Variants in NOVA1 observed in about 807,000 individuals in gnomAD.
The protein encoded by NOVA1 is NOVA alternative splicing regulator 1.
Under a neutral mutation model 38.0 loss-of-function variants are expected in NOVA1, and 7 were observed. The ratio of observed to expected loss-of-function variants is 0.18; its 90% CI spans 0.10 to 0.35. NOVA1 has a LOEUF of 0.35. Among genes scored for constraint, NOVA1 ranks in the 10% least tolerant of loss-of-function variants. The pLI, the probability that NOVA1 is intolerant of heterozygous loss-of-function variation, is 1.00. For missense variants in NOVA1, 460 were observed against 616.0 expected (o/e 0.75, Z 2.68); for synonymous variants, 270 against 232.5 (o/e 1.16, Z -1.47).
At chr14:26,558,439 A>G (rs1458872162) in intron 2 of NOVA1, among the ~76,000 whole-genome samples, 1 of 152,144 alleles carries the variant, frequency 6.6e-6, no homozygotes, top group Non-Finnish European at 1.5e-5. Context: ...AATACATGGC[A>G]ACACTTTGGA....
At chr14:26,554,609 A>G (rs1179314952) in intron 2 of NOVA1, among the ~76,000 whole-genome samples, 1 of 152,174 alleles carries the variant, frequency 6.6e-6, no homozygotes, top group East Asian at 1.9e-4. Flanking sequence ...AGAAACAAAA[A>G]AGAGTGATTT....
chr14:26,551,717 A>G (rs995227048), intron 2 of NOVA1, among the ~76,000 whole-genome samples: 1 of 152,064 alleles, frequency 6.6e-6, no homozygotes, highest in African/African-American at 2.4e-5. Flanking sequence ...CAAACAAAAA[A>G]TCTAAATTTG....
rs1881829593 is a variant in NOVA1, at chr14:26,443,332, C to T, written c.*4627G>A. ...GGCACATACACGTTAAATATTTTTC[C>T]TTAAAAAAATAATCTAATCAAAATA... On this transcript the variant is annotated 3_prime_UTR_variant, in exon 5 of 5. Coordinates refer to ENST00000539517, the MANE Select transcript of NOVA1 (RefSeq NM_002515.3). The T allele has an allele frequency of 6.6e-6, 1 of 151,510 alleles. No individual in the cohort carries two copies. Among genetic ancestry groups the T allele is most frequent in the South Asian group, 2.1e-4 (1 of 4,812 alleles). 9.4% of individuals were successfully genotyped at this position (151,510 alleles called of 1,614,324 possible).
chr14:26,482,625 C>T (rs1055641645), intron 2 of NOVA1, among the ~76,000 whole-genome samples: 1 of 152,060 alleles, frequency 6.6e-6, no homozygotes, highest in African/African-American at 2.4e-5. Flanking sequence ...ACACTAGCAA[C>T]GAGAGGTGAA....
At chr14:26,501,888 A>C (rs968606131) in intron 2 of NOVA1, among the ~76,000 whole-genome samples, 1 of 151,938 alleles carries the variant, frequency 6.6e-6, no homozygotes. Flanking sequence ...CAAGTTTCTC[A>C]TTTATGGAAA....
intron 3 of NOVA1, 24 bp downstream of exon 3, chr14:26,479,953 T>C (rs1443682864): frequency 6.2e-7 from 1 of 1,610,916 alleles, no homozygotes; most frequent in South Asian, 1.1e-5. Context: ...ATATTTCTCT[T>C]TGATTTCTCA....
Position 26,444,870 on chromosome 14 carries a change from A to AC in NOVA1, c.*3088dup, listed in dbSNP as rs1491522661. The AC allele has an allele frequency of 6.6e-6, 1 of 151,080 alleles. No homozygotes were observed. The highest frequency in any genetic ancestry group is 2.5e-5 in the African/African-American group (1 of 40,464). The allele number at this position is 151,080 out of a possible 1,614,324, so 9.4% of individuals were successfully genotyped here. ...AAACAAACAAACAAACAAAAAAAAA[A>AC]CAAAAAAACTGCAATGCAACTTCAA... is the stretch of plus-strand genomic sequence containing the variant. On this transcript the variant is annotated 3_prime_UTR_variant, in exon 5 of 5. Transcript: ENST00000539517.
intron 2 of NOVA1, among the ~76,000 whole-genome samples, chr14:26,542,508 A>G (rs1890525478): frequency 6.6e-6 from 1 of 151,834 alleles, no homozygotes; most frequent in African/African-American, 2.4e-5. Flanking sequence ...AATTGAGACA[A>G]CTTATTTAGG....
intron 2 of NOVA1, among the ~76,000 whole-genome samples, chr14:26,575,511 T>C (rs965008683): frequency 6.6e-6 from 1 of 152,258 alleles, no homozygotes; most frequent in Non-Finnish European, 1.5e-5. Context: ...TATTGAGCCA[T>C]ATACTTAAAT....
At chr14:26,481,349 T>C (rs1290401323) in intron 2 of NOVA1, among the ~76,000 whole-genome samples, 1 of 152,108 alleles carries the variant, frequency 6.6e-6, no homozygotes, top group East Asian at 1.9e-4. Context: ...GACAAATTTG[T>C]GAAACTACAA....
chr14:26,475,452 A>G (rs1884909107), intron 3 of NOVA1, among the ~76,000 whole-genome samples: 1 of 152,228 alleles, frequency 6.6e-6, no homozygotes. Flanking sequence ...TGAAGATGTA[A>G]TTAACTGAAT....
chr14:26,556,989 G>A (rs1179733443), intron 2 of NOVA1, among the ~76,000 whole-genome samples: 3 of 152,100 alleles, frequency 2.0e-5, no homozygotes, highest in Admixed American at 1.3e-4. Flanking sequence ...TTTTGAGGAT[G>A]TATCTTTCCA....
rs371080697 is a variant in NOVA1 at position 26,565,837 on chromosome 14, G to T, written c.280+29573C>A. On this transcript the variant is annotated intron_variant, in intron 2 of 4. Coordinates refer to ENST00000539517, the MANE Select transcript of NOVA1 (RefSeq NM_002515.3). ...AATGTGACAAAAGAAAAAAGCAAGA[G>T]AATGCAAACTGAATGGCGTTCTTAA... Among the ~76,000 whole-genome samples the T allele has an allele frequency of 1.2e-3, 189 of 152,178 alleles. 6 individuals carry two copies. In the South Asian group the frequency reaches 0.038, roughly 30 times the overall value.
At chr14:26,485,655 T>C (rs1217995372) in intron 2 of NOVA1, among the ~76,000 whole-genome samples, 1 of 152,126 alleles carries the variant, frequency 6.6e-6, no homozygotes, top group Non-Finnish European at 1.5e-5. Context: ...AACGAACATA[T>C]GCTAATGATT....
intron 4 of NOVA1, among the ~76,000 whole-genome samples, chr14:26,456,902 AATG>A (rs1457821879): frequency 6.6e-6 from 1 of 151,868 alleles, no homozygotes; most frequent in African/African-American, 2.4e-5. Flanking sequence ...GAAATTATAA[AATG>A]ATGTAGAAAA....
Position 26,448,048 on chromosome 14 carries a change from C to T in NOVA1, c.1435G>A (p.Ala479Thr). ...AAATATTGAGCAGCCTGTGTTGCAG[C>T]TGGTGTTCCAGTAATGGTTACCTTC... ...NRKVTITGTP[A>T]ATQAAQYLIT... The change falls in exon 5 of 5, where the codon GCT becomes ACT. Residue 479 changes from alanine to threonine, a missense_variant. By Grantham distance (58) the Ala-to-Thr change is moderately conservative (BLOSUM62 0). Transcript: ENST00000539517. This position sits in a 1 kb window ranked among gnomAD's most constrained non-coding sequence, Gnocchi z 5.3. The T allele has an allele frequency of 6.2e-7, 1 of 1,614,202 alleles. No homozygotes were observed. The highest frequency in any genetic ancestry group is 8.5e-7 in the Non-Finnish European group (1 of 1,180,026).
At chr14:26,517,187 G>A (rs560117280) in intron 2 of NOVA1, among the ~76,000 whole-genome samples, 2 of 152,236 alleles carry the variant, frequency 1.3e-5, no homozygotes, top group South Asian at 2.1e-4. Context: ...TTACAGGTGT[G>A]AGCCACCACA....
chr14:26,518,806 T>G (rs1219871348), intron 2 of NOVA1, among the ~76,000 whole-genome samples: 1 of 152,114 alleles, frequency 6.6e-6, no homozygotes, highest in East Asian at 1.9e-4. Context: ...GTTTGTTACA[T>G]GGCTATATTT....
At chr14:26,565,313 A>G (rs1355013361) in intron 2 of NOVA1, among the ~76,000 whole-genome samples, 1 of 152,144 alleles carries the variant, frequency 6.6e-6, no homozygotes, top group Non-Finnish European at 1.5e-5. Flanking sequence ...TTATCCTATG[A>G]CTTAATGGAT....
Sources: gnomAD v4.1 joint callset for allele counts (sites outside exome capture counted in the v4.1 genomes callset) on GRCh38, gnomAD v4.1.1 for gene constraint, Gnocchi (gnomAD v3.1) non-coding constraint, MANE v1.5 for transcripts, NCBI Gene and HGNC (gene_info 2026-07-23, HGNC 2026-07-21) for gene names.